Variants in WNK1 observed in about 807,000 individuals in gnomAD.
The protein encoded by WNK1 is WNK lysine deficient protein kinase 1.
WNK1 carries 38 observed loss-of-function variants against 222.8 expected under a neutral mutation model. That is an observed-to-expected ratio of 0.17 (90% CI 0.13 to 0.22). The LOEUF is 0.22. Among genes scored for constraint, WNK1 ranks in the 10% least tolerant of loss-of-function variants. WNK1 has a pLI of 1.00. For missense variants in WNK1, 2,348 were observed against 2,918.4 expected, an observed-to-expected ratio of 0.80 and a Z score of 4.50; for synonymous variants, 1,090 against 1,092.9, an observed-to-expected ratio of 1.00 and a Z score of 0.05.
At position 788,692 on chromosome 12, in the gene WNK1, G is replaced by A. The variant is rs140541953; in HGVS notation, c.760-24950G>A. Among the ~76,000 whole-genome samples, 141 of 152,094 alleles carry A rather than the reference G, an allele frequency of 9.3e-4. 2 individuals are homozygous for A. The highest frequency in any genetic ancestry group is 7.7e-3 in the South Asian group (37 of 4,810). On this transcript the variant is annotated intron_variant, in intron 1 of 27. Transcript: ENST00000315939. Reference sequence around the variant, plus strand: ...TCACAAAGTCAGGTGTTTGAGACAAGCCTGGCCAAAATGGTGAAACCCCGT... The same window carrying A: ...TCACAAAGTCAGGTGTTTGAGACAAACCTGGCCAAAATGGTGAAACCCCGT...
chr12:906,209 T>C, intron 26 of WNK1: 1 of 731,996 alleles, frequency 1.4e-6, no homozygotes, highest in Non-Finnish European at 1.7e-6. Flanking sequence ...TTTTATTTAT[T>C]CTGTAACACG....
In WNK1 at chr12:896,321, G is replaced by A; in HGVS notation, c.5834G>A (p.Arg1945His). 1.2e-6 allele frequency: 2 copies of A among 1,614,194 alleles called. No individual in the cohort carries two copies. The highest frequency in any genetic ancestry group is 8.5e-7 in the Non-Finnish European group (1 of 1,180,038). ...SDTGQPTKVG[R>H]FQVTTTANKV... Reference sequence around the variant, plus strand: ...ACTGGGCAGCCTACCAAGGTTGGACGTTTTCAGGTGACAACTACAGCAAAC... The same window carrying A: ...ACTGGGCAGCCTACCAAGGTTGGACATTTTCAGGTGACAACTACAGCAAAC... Residue 1945 changes from arginine to histidine, a missense_variant, in exon 24 of 28, where the codon CGT becomes CAT. This residue lies in a region of WNK1 where 1,144 missense variants were observed against 1,273.6 expected (regional missense o/e 0.90). Transcript: ENST00000315939.
chr12:884,460 T>C lies in WNK1; in HGVS notation c.3845-189T>C, dbSNP rs1052571763. The stretch of plus-strand genomic sequence containing the variant: ...CAAGAAGCACGGCCATACCAAGATA[T>C]AGTCTGTATAATAGATATTGTAGTA... On this transcript the variant is annotated intron_variant, in intron 18 of 27. Coordinates refer to ENST00000315939, the MANE Select transcript of WNK1 (RefSeq NM_018979.4). This position sits in a 1 kb window ranked among gnomAD's most constrained non-coding sequence, Gnocchi z 5.6. 5.3e-5 allele frequency among the ~76,000 whole-genome samples: 8 copies of C among 152,188 alleles called. No individual in the cohort carries two copies. The highest frequency in any genetic ancestry group is 1.9e-4 in the African/African-American group (8 of 41,448).
chr12:782,864 A>G (rs909431272), intron 1 of WNK1, among the ~76,000 whole-genome samples: 7 of 151,742 alleles, frequency 4.6e-5, no homozygotes, highest in African/African-American at 1.2e-4. Flanking sequence ...TTTCATGAAT[A>G]TGTTTCATAT....
chr12:790,099 G>A (rs936478325), intron 1 of WNK1, among the ~76,000 whole-genome samples: 1 of 152,206 alleles, frequency 6.6e-6, no homozygotes, highest in South Asian at 2.1e-4. Context: ...GGAGGAGGGG[G>A]TTTGGGAATG....
chr12:809,010 C>T (rs113969116), intron 1 of WNK1, among the ~76,000 whole-genome samples: 10,105 of 151,830 alleles, frequency 0.067, 392 homozygotes, highest in African/African-American at 0.081. Flanking sequence ...GTGATCTGCC[C>T]ACCTTGGCCT....
intron 26 of WNK1, among the ~76,000 whole-genome samples, chr12:905,718 T>C (rs1955637374): frequency 6.6e-6 from 1 of 152,186 alleles, no homozygotes; most frequent in African/African-American, 2.4e-5. Flanking sequence ...GCTTCCCACT[T>C]CACCACTCTC....
At chr12:809,240 A>G (rs1291983817) in intron 1 of WNK1, among the ~76,000 whole-genome samples, 3 of 118,678 alleles carry the variant, frequency 2.5e-5, no homozygotes, top group Non-Finnish European at 5.4e-5. Context: ...AAAAAAAAAA[A>G]AAATTTTTTT....
intron 2 of WNK1, among the ~76,000 whole-genome samples, chr12:823,968 G>A (rs1351901104): frequency 6.7e-6 from 1 of 149,358 alleles, no homozygotes; most frequent in African/African-American, 2.5e-5. Context: ...GTGCAGTGGC[G>A]TGATCTCGGC....
At chr12:779,397 G>GTTTTTTTTTTTCTTTTTTT (rs1943447378) in intron 1 of WNK1, among the ~76,000 whole-genome samples, 1 of 124,270 alleles carries the variant, frequency 8.0e-6, no homozygotes, top group Non-Finnish European at 1.7e-5. Flanking sequence ...TTTCTTTTCT[G>GTTTTTTTTTTTCTTTTTTT]TTTTTTTTTT....
rs12309420 is a variant in WNK1, at chr12:897,758, A to G, written c.6448+77A>G. ...TCTCCAGCTGTATGTGACCTGCTGA[A>G]CATTTGTTGTTTTTGTTAAATTTCA... On this transcript the variant is annotated intron_variant, in intron 25 of 27. Coordinates refer to ENST00000315939, the MANE Select transcript of WNK1 (RefSeq NM_018979.4). 2,250 of 1,462,798 alleles carry G rather than the reference A, an allele frequency of 1.5e-3. 32 individuals are homozygous for G. The African/African-American group carries it at 0.027, about 18-fold the overall frequency. The allele number at this position is 1,462,798 out of a possible 1,614,324, so 90.6% of individuals were successfully genotyped here.
chr12:803,554 G>A (rs902614082), intron 1 of WNK1, among the ~76,000 whole-genome samples: 2 of 152,066 alleles, frequency 1.3e-5, no homozygotes, highest in African/African-American at 2.4e-5. Context: ...AGGCTGAGGC[G>A]GGTGGATCAC....
rs1955925635 is a variant in WNK1 at position 909,056 on chromosome 12, C to T, written c.*264C>T. ...GACCATGCTTTCCTGTTTATCTATA[C>T]TCAGTAATGAGGATGAGGGCTAGGA... On this transcript the variant is annotated 3_prime_UTR_variant, in exon 28 of 28. Transcript: ENST00000315939. The T allele has an allele frequency of 2.0e-6, 1 of 494,362 alleles. No individual in the cohort carries two copies. Among genetic ancestry groups the T allele is most frequent in the Non-Finnish European group, 3.7e-6 (1 of 270,878 alleles). 30.6% of individuals were successfully genotyped at this position (494,362 alleles called of 1,614,324 possible).
chr12:890,307 G>A (rs905545513), intron 21 of WNK1, 146 bp from the exon 22 acceptor site: 9 of 859,974 alleles, frequency 1.0e-5, no homozygotes, highest in African/African-American at 1.0e-4. Flanking sequence ...AAAAAGGAAA[G>A]AAGATAAAAT....
chr12:896,529 G>A lies in WNK1; in HGVS notation c.6042G>A (p.Pro2014=), dbSNP rs923054108. 4.3e-6 allele frequency: 7 copies of A among 1,613,410 alleles called. No homozygotes were observed. The highest frequency in any genetic ancestry group is 1.1e-5 in the South Asian group (1 of 91,008). The change falls in exon 24 of 28, where the codon CCG becomes CCA. Residue 2014 remains proline, a synonymous_variant. Coordinates refer to ENST00000315939, the MANE Select transcript of WNK1 (RefSeq NM_018979.4). ...ATCTAAATGGGCCGTCTTCTGACCC[G>A]GAGGCCGCTTTTTTAAGTAGGGATG... ...PSHLNGPSSD[P]EAAFLSRDVD...
rs577669094 is a variant in WNK1 at position 911,278 on chromosome 12, A to G, written c.*2486A>G. On this transcript the variant is annotated 3_prime_UTR_variant, in exon 28 of 28. Coordinates refer to ENST00000315939, the MANE Select transcript of WNK1 (RefSeq NM_018979.4). ...ACATTATTTAACAATGTACACTGTT[A>G]AAAATAAAAATAAAAATTCAAACTT... 1.8e-5 allele frequency: 7 copies of G among 398,466 alleles called. No homozygotes were observed. The highest frequency in any genetic ancestry group is 3.1e-5 in the Non-Finnish European group (7 of 226,046). 24.7% of individuals were successfully genotyped at this position (398,466 alleles called of 1,614,324 possible).
chr12:889,036 G>T, intron 20 of WNK1, 104 bp from the exon 21 acceptor site: 2 of 870,912 alleles, frequency 2.3e-6, no homozygotes, highest in Non-Finnish European at 4.0e-6. Context: ...ATGTTATGTT[G>T]TGCCAATATA....
chr12:754,434 T>C lies in WNK1; in HGVS notation c.759+110T>C. 3 of 1,463,852 alleles carry C rather than the reference T, an allele frequency of 2.0e-6. No homozygotes were observed. The South Asian group carries it at 3.4e-5, about 17-fold the overall frequency. The allele number at this position is 1,463,852 out of a possible 1,614,324, so 90.7% of individuals were successfully genotyped here. On this transcript the variant is annotated intron_variant, in intron 1 of 27. Coordinates refer to ENST00000315939, the MANE Select transcript of WNK1 (RefSeq NM_018979.4). ...TTGGCATTCTCTGTTGGACTCCGAG[T>C]GGGACGGGGAGGCCAACTTTTGAAA...
chr12:871,239 TTGTTG>T, intron 8 of WNK1, 21 bp from the exon 9 acceptor site: 2 of 1,609,010 alleles, frequency 1.2e-6, no homozygotes, highest in South Asian at 1.1e-5. Flanking sequence ...CTTCTCTAAT[TTGTTG>T]TGTTCACTTC....
Sources: allele counts gnomAD v4.1 joint callset (sites outside exome capture counted in the v4.1 genomes callset), GRCh38; gene constraint gnomAD v4.1.1; regional missense constraint gnomAD v4.1.1; non-coding constraint Gnocchi (gnomAD v3.1); transcripts MANE v1.5; gene names NCBI Gene and HGNC (gene_info 2026-07-23, HGNC 2026-07-21).